The following AGK variants were observed in gnomAD, a reference collection of about 807,000 sequenced individuals.
AGK encodes the protein acylglycerol kinase, mitochondrial.
Under a neutral mutation model 66.4 loss-of-function variants are expected in AGK, and 52 were observed. That is an observed-to-expected ratio of 0.78 (90% confidence interval 0.63 to 0.99). The LOEUF (loss-of-function observed/expected upper bound fraction) is 0.99. AGK is among the 50% of genes least tolerant of loss of function. AGK has a pLI of 0.00. For synonymous variants in AGK, 182 were observed against 181.1 expected, an observed-to-expected ratio of 1.00 and a Z score of -0.04; for missense variants, 451 against 506.6, an observed-to-expected ratio of 0.89 and a Z score of 1.05.
chr7:141,594,940 C>T (rs1796198664), intron 3 of AGK, among the ~76,000 whole-genome samples: 1 of 152,194 alleles, frequency 6.6e-6, no homozygotes, highest in Non-Finnish European at 1.5e-5. Context: ...TGTGAGCCAC[C>T]TTGCCTGGCC....
chr7:141,620,140 G>A (rs536633162), intron 8 of AGK, among the ~76,000 whole-genome samples: 106 of 152,262 alleles, frequency 7.0e-4, no homozygotes, highest in African/African-American at 2.5e-3. Flanking sequence ...AACTCTAGAC[G>A]CAGAAAACAT....
intron 2 of AGK, among the ~76,000 whole-genome samples, chr7:141,558,781 C>T (rs758732642): frequency 3.9e-5 from 6 of 152,166 alleles, no homozygotes; most frequent in Admixed American, 2.6e-4. Context: ...ACGCCCTCAT[C>T]AACACTTGTT....
At position 141,655,196 on chromosome 7, in the gene AGK, C is replaced by T. The variant is rs1456461942; in HGVS notation, c.*2272C>T. ...TATAATTAGGGAAGGATATGGAAGC[C>T]ACTTTAGAATCTTATTCATTTTTAA... is the stretch of plus-strand genomic sequence containing the variant. On this transcript the variant is annotated 3_prime_UTR_variant, in exon 16 of 16. Coordinates refer to ENST00000649286, the MANE Select transcript of AGK (RefSeq NM_018238.4). The T allele has an allele frequency of 6.6e-6, 1 of 152,200 alleles. No homozygotes were observed. The highest frequency in any genetic ancestry group is 2.4e-5 in the African/African-American group (1 of 41,452). 9.4% of individuals were successfully genotyped at this position (152,200 alleles called of 1,614,324 possible). A position where few individuals can be genotyped will look rare whatever the true frequency, so the allele number is the denominator to read the frequency against.
Position 141,615,562 on chromosome 7 carries a change from T to A in AGK, c.515T>A (p.Val172Asp). 1 of 1,611,992 alleles carries A rather than the reference T, an allele frequency of 6.2e-7. No homozygotes were observed. The highest frequency in any genetic ancestry group is 8.5e-7 in the Non-Finnish European group (1 of 1,178,128). The change falls in exon 8 of 16, where the codon GTC (valine) becomes GAC (aspartate). Residue 172 changes from valine to aspartate, a missense_variant. By Grantham distance (152) the Val-to-Asp change is radical (BLOSUM62 -3). Coordinates refer to ENST00000649286, the MANE Select transcript of AGK (RefSeq NM_018238.4). ...CTCTTTGCCGAAAGTGGAAACAAAG[T>A]CCAGTAGGTTGTCAATGTGGGGAAT... is the stretch of plus-strand genomic sequence containing the variant. ...HTLFAESGNK[V>D]QHITDATLAI...
intron 5 of AGK, among the ~76,000 whole-genome samples, chr7:141,604,582 A>ATT (rs201589014): frequency 0.01 from 1,390 of 135,374 alleles, 45 homozygotes; most frequent in African/African-American, 0.035. Flanking sequence ...ATCTTGTAGA[A>ATT]TTTTTTTTTT....
At chr7:141,624,511 T>A (rs1007092404) in intron 9 of AGK, among the ~76,000 whole-genome samples, 9 of 152,192 alleles carry the variant, frequency 5.9e-5, no homozygotes, top group African/African-American at 2.2e-4. Flanking sequence ...AACAGAAGTT[T>A]GGAAGAAGTT....
intron 11 of AGK, among the ~76,000 whole-genome samples, chr7:141,640,601 A>G (rs1797266778): frequency 6.6e-6 from 1 of 152,202 alleles, no homozygotes; most frequent in Admixed American, 6.5e-5. Context: ...GGGTGACATT[A>G]GGGGCCAGGA....
intron 1 of AGK, among the ~76,000 whole-genome samples, chr7:141,552,558 G>A (rs1426396256): frequency 2.0e-5 from 3 of 152,290 alleles, no homozygotes; most frequent in East Asian, 3.9e-4. Flanking sequence ...CTGCACTAAA[G>A]GTTGAGAACC....
chr7:141,636,050 G>T (rs750815491), intron 10 of AGK, among the ~76,000 whole-genome samples: 1 of 152,126 alleles, frequency 6.6e-6, no homozygotes, highest in African/African-American at 2.4e-5. Flanking sequence ...ATTTTATGCC[G>T]TTTTCTAATT....
intron 2 of AGK, among the ~76,000 whole-genome samples, chr7:141,588,615 CG>C (rs1445786358): frequency 6.8e-6 from 1 of 146,514 alleles, no homozygotes; most frequent in Non-Finnish European, 1.5e-5. Flanking sequence ...TACTTCGCCT[CG>C]GAAAAAAAAA....
In AGK at chr7:141,574,789, G is replaced by A. The variant is rs1019838936; in HGVS notation, c.102-18357G>A. Among the ~76,000 whole-genome samples, 3 of 152,240 alleles carry A rather than the reference G, an allele frequency of 2.0e-5. 1 individual carries two copies. Among genetic ancestry groups the A allele is most frequent in the Non-Finnish European group, 4.4e-5 (3 of 68,048 alleles). ...GCTTGTTCCACCTGAGTGCATAGAAGTGTAGAGTACAGTGGTTGGGATTTG... is the reference window on the plus strand; with the variant it reads ...GCTTGTTCCACCTGAGTGCATAGAAATGTAGAGTACAGTGGTTGGGATTTG... On this transcript the variant is annotated intron_variant, in intron 2 of 15. Coordinates refer to ENST00000649286, the MANE Select transcript of AGK (RefSeq NM_018238.4).
intron 2 of AGK, among the ~76,000 whole-genome samples, chr7:141,565,327 A>T (rs1190562001): frequency 6.6e-6 from 1 of 152,142 alleles, no homozygotes; most frequent in Non-Finnish European, 1.5e-5. Flanking sequence ...GTTCCTTCTC[A>T]GTAATTGGTA....
intron 2 of AGK, among the ~76,000 whole-genome samples, chr7:141,560,799 T>TC (rs1265519403): frequency 6.8e-6 from 1 of 147,846 alleles, no homozygotes; most frequent in South Asian, 2.2e-4. Flanking sequence ...TTCTTTCTTT[T>TC]TTTTTTTTTT....
In AGK at chr7:141,579,983, G is replaced by T. The variant is rs184517636; in HGVS notation, c.102-13163G>T. Among the ~76,000 whole-genome samples the T allele has an allele frequency of 2.2e-3, 338 of 152,012 alleles. 7 individuals are homozygous for T. The highest frequency in any genetic ancestry group is 6.8e-3 in the Middle Eastern group (2 of 294). ...TAGCTACCTTATCAGCATAAGTGTT[G>T]CCCTAAGCAATGGGATCTGACGCCT... On this transcript the variant is annotated intron_variant, in intron 2 of 15. Transcript: ENST00000649286.
At chr7:141,607,375 T>A (rs1796486748) in intron 5 of AGK, among the ~76,000 whole-genome samples, 1 of 152,194 alleles carries the variant, frequency 6.6e-6, no homozygotes, top group Non-Finnish European at 1.5e-5. Flanking sequence ...TCTCATTGTT[T>A]TAATTTGCAA....
At chr7:141,578,521 C>G (rs573524177) in intron 2 of AGK, among the ~76,000 whole-genome samples, 1 of 151,530 alleles carries the variant, frequency 6.6e-6, no homozygotes. Flanking sequence ...AAAATAGTAT[C>G]GAAGTGTTGG....
chr7:141,644,091 T>C (rs143273241), intron 13 of AGK, among the ~76,000 whole-genome samples: 1,638 of 125,232 alleles, frequency 0.013, 23 homozygotes, highest in African/African-American at 0.041. Flanking sequence ...GATATGTGAA[T>C]GCTAAAAAAA....
intron 2 of AGK, among the ~76,000 whole-genome samples, chr7:141,568,574 CTTT>C (rs762829164): frequency 3.5e-5 from 5 of 141,734 alleles, no homozygotes; most frequent in Admixed American, 7.1e-5. Context: ...TTCTTTCTTT[CTTT>C]TTTTTTTTTT....
intron 11 of AGK, among the ~76,000 whole-genome samples, chr7:141,638,992 A>G (rs994263396): frequency 6.6e-6 from 1 of 152,170 alleles, no homozygotes; most frequent in Non-Finnish European, 1.5e-5. Context: ...GAATATCCCT[A>G]AGGGACATAA....
Sources: gnomAD v4.1 joint callset for allele counts (sites outside exome capture counted in the v4.1 genomes callset) on GRCh38, gnomAD v4.1.1 for gene constraint, MANE v1.5 for transcripts, NCBI Gene and HGNC (gene_info 2026-07-23, HGNC 2026-07-21) for gene names.